The following GALNT14 variants were observed in gnomAD, a reference collection of about 807,000 sequenced individuals.
The protein encoded by GALNT14 is UDP-GalNAc:polypeptide N-acetylgalactosaminyltransferase 14.
GALNT14 carries 60 observed loss-of-function variants against 77.5 expected under a neutral mutation model. That is an observed-to-expected ratio of 0.77 (90% confidence interval 0.63 to 0.96). GALNT14 has a LOEUF of 0.96. GALNT14 is among the 40% of genes least tolerant of loss of function. The pLI, the probability that GALNT14 is intolerant of heterozygous loss-of-function variation, is 0.00. For missense variants in GALNT14, 710 were observed against 731.0 expected (o/e 0.97, Z 0.33); for synonymous variants, 280 against 281.7 (o/e 0.99, Z 0.06).
In GALNT14 at chr2:30,935,208, G is replaced by A. The variant is rs545389532; in HGVS notation, c.932-3014C>T. Reference sequence around the variant, plus strand: ...CTGATAGGACAACTGAGAGCGAGAAGCTGGTGGCATTCAAAAGCAGGGAAG... The same window carrying A: ...CTGATAGGACAACTGAGAGCGAGAAACTGGTGGCATTCAAAAGCAGGGAAG... On this transcript the variant is annotated intron_variant, in intron 9 of 14. Transcript: ENST00000349752. Among the ~76,000 whole-genome samples the A allele has an allele frequency of 3.3e-5, 5 of 152,268 alleles. No homozygotes were observed. In the East Asian group the frequency reaches 9.7e-4, roughly 29 times the overall value.
intron 1 of GALNT14, among the ~76,000 whole-genome samples, chr2:31,056,699 C>T (rs370184794): frequency 6.6e-5 from 10 of 152,236 alleles, no homozygotes; most frequent in South Asian, 2.1e-4. Context: ...ATATTGAAAT[C>T]GGGTATTTCA....
In GALNT14 at chr2:31,104,860, T is replaced by C. The variant is rs961995296; in HGVS notation, c.129+33098A>G. On this transcript the variant is annotated intron_variant, in intron 1 of 14. Transcript: ENST00000349752. ...TGTTAACCTTCATCATCTGGTCAAG[T>C]TGGTGTCTGCCAAATTTTGCCACTG... Among the ~76,000 whole-genome samples the C allele has an allele frequency of 6.6e-5, 10 of 152,342 alleles. 1 individual carries two copies. Among genetic ancestry groups the C allele is most frequent in the Middle Eastern group, 6.8e-3 (2 of 294 alleles).
chr2:30,966,372 G>A (rs1393792480), intron 2 of GALNT14, 70 bp from the exon 3 acceptor site: 4 of 1,140,308 alleles, frequency 3.5e-6, no homozygotes, highest in East Asian at 2.4e-5. Flanking sequence ...CTAGAACCGA[G>A]GGCATCTGGG....
intron 1 of GALNT14, among the ~76,000 whole-genome samples, chr2:31,072,566 C>T (rs2148566736): frequency 6.6e-6 from 1 of 152,200 alleles, no homozygotes; most frequent in East Asian, 1.9e-4. Flanking sequence ...ACTAGACTTA[C>T]TGCCTTACAA....
At chr2:31,042,207 T>C (rs1221060945) in intron 1 of GALNT14, among the ~76,000 whole-genome samples, 1 of 152,214 alleles carries the variant, frequency 6.6e-6, no homozygotes, top group Non-Finnish European at 1.5e-5. Context: ...CAGGGTACTT[T>C]AAATAGTTAG....
intron 3 of GALNT14, 88 bp from the exon 4 acceptor site, chr2:30,958,552 T>C (rs978134674): frequency 6.0e-6 from 6 of 994,988 alleles, no homozygotes; most frequent in Admixed American, 5.6e-5. Context: ...TACCATTGCA[T>C]TTAAGGAATG....
Position 30,989,583 on chromosome 2 carries a change from A to AT in GALNT14, c.299+3254_299+3255insA, listed in dbSNP as rs56703340. ...CCTTATATATATATATATATATATA[A>AT]AAATATATATATTAGTAGATATATA... On this transcript the variant is annotated intron_variant, in intron 2 of 14. Coordinates refer to ENST00000349752, the MANE Select transcript of GALNT14 (RefSeq NM_024572.4). 1.4e-3 allele frequency among the ~76,000 whole-genome samples: 129 copies of AT among 91,816 alleles called. 3 individuals carry two copies. Among genetic ancestry groups the AT allele is most frequent in the Middle Eastern group, 5.7e-3 (1 of 174 alleles). The allele number at this position is 91,816 out of a possible 152,430, so 60.2% of individuals were successfully genotyped here. A position where few individuals can be genotyped will look rare whatever the true frequency, so the allele number is the denominator to read the frequency against.
At chr2:31,114,645 C>CT in intron 1 of GALNT14, 1 of 651,344 alleles carries the variant, frequency 1.5e-6, no homozygotes, top group Non-Finnish European at 2.8e-6. Flanking sequence ...AGAACAGACT[C>CT]TAAAAACCCA....
chr2:30,993,276 C>CA (rs1334244857), intron 1 of GALNT14, among the ~76,000 whole-genome samples: 1 of 152,188 alleles, frequency 6.6e-6, no homozygotes, highest in African/African-American at 2.4e-5. Flanking sequence ...GTTCTCAGAG[C>CA]AATTCTATGA....
intron 1 of GALNT14, among the ~76,000 whole-genome samples, chr2:31,068,610 A>G (rs1035924399): frequency 6.6e-6 from 1 of 152,314 alleles, no homozygotes; most frequent in East Asian, 1.9e-4. Flanking sequence ...CCCTGCAAAG[A>G]AGCCACACTA....
intron 2 of GALNT14, among the ~76,000 whole-genome samples, chr2:30,990,759 T>C (rs1259716146): frequency 4.6e-5 from 7 of 152,222 alleles, no homozygotes; most frequent in Admixed American, 3.9e-4. Context: ...AGTAAGTTCT[T>C]TAAGTGTGAA....
At chr2:31,119,310 A>G (rs1349869256) in intron 1 of GALNT14, among the ~76,000 whole-genome samples, 1 of 152,214 alleles carries the variant, frequency 6.6e-6, no homozygotes, top group Admixed American at 6.5e-5. Flanking sequence ...TCTGCAACAT[A>G]TATGACTAAT....
chr2:30,926,816 C>T (rs1030937468), intron 11 of GALNT14, among the ~76,000 whole-genome samples: 12 of 151,840 alleles, frequency 7.9e-5, no homozygotes, highest in African/African-American at 1.2e-4. Flanking sequence ...AAGGAAGTCA[C>T]GAGGGAGCCA....
intron 3 of GALNT14, among the ~76,000 whole-genome samples, chr2:30,961,263 ATTGC>A: frequency 6.6e-6 from 1 of 152,360 alleles, no homozygotes; most frequent in Non-Finnish European, 1.5e-5. Context: ...TGTATTTGAA[ATTGC>A]TTTGTGAACT....
At chr2:30,917,561 G>A (rs977762853) in intron 13 of GALNT14, among the ~76,000 whole-genome samples, 1 of 152,208 alleles carries the variant, frequency 6.6e-6, no homozygotes, top group Non-Finnish European at 1.5e-5. Flanking sequence ...CACCAGGCAT[G>A]GGCAGGACAG....
At chr2:30,917,309 G>C (rs1664744855) in intron 13 of GALNT14, among the ~76,000 whole-genome samples, 1 of 152,080 alleles carries the variant, frequency 6.6e-6, no homozygotes, top group Non-Finnish European at 1.5e-5. Flanking sequence ...CCAGTGGGTG[G>C]GGTCATGGAT....
chr2:30,984,085 CAGT>C (rs1669152209), intron 2 of GALNT14, among the ~76,000 whole-genome samples: 1 of 152,302 alleles, frequency 6.6e-6, no homozygotes, highest in South Asian at 2.1e-4. Context: ...GGAAACCCAG[CAGT>C]GAGTCTGGGG....
chr2:31,024,779 T>A (rs1205678122), intron 1 of GALNT14, among the ~76,000 whole-genome samples: 2 of 152,136 alleles, frequency 1.3e-5, no homozygotes, highest in African/African-American at 2.4e-5. Flanking sequence ...CCATAAATAT[T>A]TGCTGAACAA....
chr2:31,048,501 C>G lies in GALNT14; in HGVS notation c.130-55494G>C, dbSNP rs191616434. On this transcript the variant is annotated intron_variant, in intron 1 of 14. Coordinates refer to ENST00000349752, the MANE Select transcript of GALNT14 (RefSeq NM_024572.4). ...GAAGCCTAAGGCTGGAAAGACCTCT[C>G]CCTGGAAGCTAAAGTGCTGAATGGA... Among the ~76,000 whole-genome samples the G allele has an allele frequency of 1.1e-3, 166 of 152,280 alleles. 4 individuals are homozygous for G. In the South Asian group the frequency reaches 0.021, roughly 19 times the overall value.
Sources: allele counts gnomAD v4.1 joint callset (sites outside exome capture counted in the v4.1 genomes callset), GRCh38; gene constraint gnomAD v4.1.1; transcripts MANE v1.5; gene names NCBI Gene and HGNC (gene_info 2026-07-23, HGNC 2026-07-21).